Variants in TYR observed in about 807,000 individuals in gnomAD.
TYR encodes the protein tyrosinase, also known as LB24-AB.
TYR carries 58 observed loss-of-function variants against 51.5 expected under a neutral mutation model. The observed-to-expected ratio is 1.13, with a 90% CI of 0.91 to 1.40. The LOEUF is 1.40. Ranked by LOEUF, TYR falls within the 40% of genes most tolerant of loss-of-function variation. The pLI is 0.00. For missense variants in TYR, 732 were observed against 647.4 expected (o/e 1.13, Z -1.42); for synonymous variants, 263 against 235.2 (o/e 1.12, Z -1.08).
intron 3 of TYR, among the ~76,000 whole-genome samples, chr11:89,248,076 C>T (rs1265640651): frequency 6.6e-6 from 1 of 152,268 alleles, no homozygotes; most frequent in Non-Finnish European, 1.5e-5. Flanking sequence ...TGGCAAGCTG[C>T]TTATTCTTCC....
intron 3 of TYR, among the ~76,000 whole-genome samples, chr11:89,278,482 C>T (rs1270481101): frequency 1.3e-5 from 2 of 151,594 alleles, no homozygotes. Flanking sequence ...TCTTCTATTA[C>T]ATATGTGTAT....
chr11:89,187,799 A>G (rs1435942864), intron 1 of TYR, among the ~76,000 whole-genome samples: 1 of 152,066 alleles, frequency 6.6e-6, no homozygotes, highest in Admixed American at 6.6e-5. Flanking sequence ...TCTTTGTGTC[A>G]GGCACCATAC....
At chr11:89,232,617 C>T (rs1419272508) in intron 3 of TYR, among the ~76,000 whole-genome samples, 1 of 141,376 alleles carries the variant, frequency 7.1e-6, no homozygotes, top group Non-Finnish European at 1.5e-5. Flanking sequence ...TGTTCATAAC[C>T]TCGATGATGG....
chr11:89,177,911 C>A lies in TYR; in HGVS notation c.-43C>A. On this transcript the variant is annotated 5_prime_UTR_variant, in exon 1 of 5. Coordinates refer to ENST00000263321, the MANE Select transcript of TYR (RefSeq NM_000372.5). Reference sequence around the variant, plus strand: ...AGCTGGAAAGAGAAATCTGTGACTCCAATTAGCCAGTTCCTGCAGACCTTG... The same window carrying A: ...AGCTGGAAAGAGAAATCTGTGACTCAAATTAGCCAGTTCCTGCAGACCTTG... 4 of 1,598,086 alleles carry A rather than the reference C, an allele frequency of 2.5e-6. No individual in the cohort carries two copies. In the South Asian group the frequency reaches 4.4e-5, roughly 18 times the overall value.
At chr11:89,228,962 C>T (rs919306340) in intron 3 of TYR, among the ~76,000 whole-genome samples, 1 of 151,930 alleles carries the variant, frequency 6.6e-6, no homozygotes, top group East Asian at 1.9e-4. Context: ...AATTTTCTCA[C>T]CACAGTTAAT....
At chr11:89,211,972 C>T (rs1279114222) in intron 2 of TYR, among the ~76,000 whole-genome samples, 1 of 152,136 alleles carries the variant, frequency 6.6e-6, no homozygotes, top group Non-Finnish European at 1.5e-5. Flanking sequence ...ATTTATAGCA[C>T]TAAATGCCCA....
intron 1 of TYR, 103 bp downstream of exon 1, chr11:89,178,875 C>A: frequency 1.7e-6 from 2 of 1,171,848 alleles, no homozygotes; most frequent in East Asian, 2.4e-5. Flanking sequence ...TTGCAGCCCC[C>A]ATCAAGGACA....
intron 1 of TYR, among the ~76,000 whole-genome samples, chr11:89,181,604 A>T (rs568720549): frequency 6.6e-6 from 1 of 152,164 alleles, no homozygotes; most frequent in East Asian, 1.9e-4. Context: ...TTCTTTTTTT[A>T]TTGGTTTCAG....
intron 2 of TYR, among the ~76,000 whole-genome samples, chr11:89,217,641 G>T (rs1194746494): frequency 6.6e-6 from 1 of 152,134 alleles, no homozygotes; most frequent in African/African-American, 2.4e-5. Context: ...GATGTGTCTT[G>T]GGTGTTTCTG....
intron 3 of TYR, among the ~76,000 whole-genome samples, chr11:89,247,752 C>T (rs1944284562): frequency 6.6e-6 from 1 of 152,158 alleles, no homozygotes; most frequent in Non-Finnish European, 1.5e-5. Flanking sequence ...GTGTCAACCT[C>T]TTGCCCTGCA....
intron 4 of TYR, chr11:89,293,687 C>A: frequency 6.3e-6 from 1 of 159,480 alleles, no homozygotes. Flanking sequence ...GTTATTTTTC[C>A]ACACTAGTTA....
At chr11:89,271,173 G>A (rs552846897) in intron 3 of TYR, among the ~76,000 whole-genome samples, 3 of 151,766 alleles carry the variant, frequency 2.0e-5, no homozygotes, top group Admixed American at 6.6e-5. Flanking sequence ...TATGCTACAC[G>A]TTACTCTAAT....
chr11:89,268,574 TG>T (rs1192746110), intron 3 of TYR, among the ~76,000 whole-genome samples: 2 of 151,978 alleles, frequency 1.3e-5, no homozygotes, highest in African/African-American at 4.8e-5. Flanking sequence ...TGGCATACTA[TG>T]ATCTCCACTA....
chr11:89,211,388 A>G (rs1260460621), intron 2 of TYR, among the ~76,000 whole-genome samples: 1 of 152,236 alleles, frequency 6.6e-6, no homozygotes, highest in African/African-American at 2.4e-5. Context: ...GATCAATTCA[A>G]CAAGAAGAGC....
intron 1 of TYR, among the ~76,000 whole-genome samples, chr11:89,189,030 C>A (rs906882903): frequency 5.3e-5 from 8 of 152,166 alleles, no homozygotes; most frequent in East Asian, 1.9e-4. Flanking sequence ...TCAGCCACAA[C>A]TGAGATACAG....
intron 2 of TYR, among the ~76,000 whole-genome samples, chr11:89,194,650 T>TTTCTA (rs149805336): frequency 6.6e-6 from 1 of 150,494 alleles, no homozygotes; most frequent in African/African-American, 2.5e-5. Flanking sequence ...CCTCCATTTT[T>TTTCTA]TCTATCTATC....
Position 89,221,722 on chromosome 11 carries a change from A to T in TYR, c.1037-6101A>T, listed in dbSNP as rs1943913779. ...TGGGTCTTAAGTCACTTTTTAAAAA[A>T]TCTTCAGATGCACTAATGTACATTT... On this transcript the variant is annotated intron_variant, in intron 2 of 4. Coordinates refer to ENST00000263321, the MANE Select transcript of TYR (RefSeq NM_000372.5). Among the ~76,000 whole-genome samples the T allele has an allele frequency of 2.6e-5, 4 of 152,228 alleles. 1 individual carries two copies. The South Asian group carries it at 8.3e-4, about 32-fold the overall frequency.
chr11:89,236,060 G>A (rs573451890), intron 3 of TYR, among the ~76,000 whole-genome samples: 1 of 152,224 alleles, frequency 6.6e-6, no homozygotes, highest in South Asian at 2.1e-4. Context: ...ACACAGCCAT[G>A]ATATTCATTT....
intron 3 of TYR, among the ~76,000 whole-genome samples, chr11:89,248,956 T>A (rs1465064536): frequency 2.6e-5 from 4 of 152,114 alleles, no homozygotes; most frequent in Non-Finnish European, 5.9e-5. Flanking sequence ...GAAAAAAGAG[T>A]AATCAAAGAT....
Sources: allele counts gnomAD v4.1 joint callset (sites outside exome capture counted in the v4.1 genomes callset), GRCh38; gene constraint gnomAD v4.1.1; transcripts MANE v1.5; gene names NCBI Gene and HGNC (gene_info 2026-07-23, HGNC 2026-07-21).